Variants in PCYT1A observed in about 807,000 individuals in gnomAD.
PCYT1A encodes phosphate cytidylyltransferase 1A, choline, also known as choline-phosphate cytidylyltransferase A.
Under a neutral mutation model 43.7 loss-of-function variants are expected in PCYT1A, and 25 were observed. The ratio of observed to expected loss-of-function variants is 0.57; its 90% CI spans 0.42 to 0.80. The LOEUF is 0.80. Ranked by LOEUF, PCYT1A falls within the 30% of genes least tolerant of loss-of-function variation. The pLI is 0.00. For missense variants in PCYT1A, 421 were observed against 474.2 expected, an observed-to-expected ratio of 0.89 and a Z score of 1.04; for synonymous variants, 172 against 170.7, an observed-to-expected ratio of 1.01 and a Z score of -0.06.
At chr3:196,286,112 G>C (rs1577380930) in intron 1 of PCYT1A, among the ~76,000 whole-genome samples, 3 of 147,468 alleles carry the variant, frequency 2.0e-5, no homozygotes, top group Non-Finnish European at 4.4e-5. Context: ...ACCCGGGCTG[G>C]AGTGCAGTCT....
chr3:196,284,857 T>C (rs1725862108), intron 1 of PCYT1A, among the ~76,000 whole-genome samples: 1 of 152,230 alleles, frequency 6.6e-6, no homozygotes, highest in Non-Finnish European at 1.5e-5. Flanking sequence ...TCTGTTACCT[T>C]GAAGCATAGA....
chr3:196,248,715 C>T (rs1199640576), intron 3 of PCYT1A, among the ~76,000 whole-genome samples: 1 of 151,896 alleles, frequency 6.6e-6, no homozygotes, highest in Non-Finnish European at 1.5e-5. Flanking sequence ...GCAAATGGAA[C>T]TGGCTCTGTG....
intron 7 of PCYT1A, chr3:196,241,456 G>A: frequency 1.6e-6 from 2 of 1,242,546 alleles, no homozygotes; most frequent in South Asian, 1.3e-5. Context: ...CCAAAGTACA[G>A]GCATGAACTA....
intron 2 of PCYT1A, among the ~76,000 whole-genome samples, chr3:196,264,932 T>C (rs1725223242): frequency 6.6e-6 from 1 of 152,236 alleles, no homozygotes; most frequent in African/African-American, 2.4e-5. Context: ...GAAATGAGAT[T>C]GTGAGGCCTA....
rs113160544 is a variant in PCYT1A at position 196,270,193 on chromosome 3, G to T, written c.117+222C>A. Among the ~76,000 whole-genome samples the T allele has an allele frequency of 3.1e-4, 47 of 152,284 alleles. 2 individuals are homozygous for T. The highest frequency in any genetic ancestry group is 1.1e-3 in the African/African-American group (47 of 41,550). ...TCAATAGTTTCAGCCTAATACACAT[G>T]CAACTTCCATATTTTCCTAACACTT... On this transcript the variant is annotated intron_variant, in intron 2 of 8. Coordinates refer to ENST00000431016, the MANE Select transcript of PCYT1A (RefSeq NM_001312673.2).
At chr3:196,240,838 T>C (rs1327346917) in intron 7 of PCYT1A, 1 of 152,212 alleles carries the variant, frequency 6.6e-6, no homozygotes, top group African/African-American at 2.4e-5. Flanking sequence ...TCTGCCTAGA[T>C]AAATCATATT....
intron 7 of PCYT1A, chr3:196,240,624 A>C (rs12053980): frequency 0.12 from 17,616 of 152,228 alleles, 1,138 homozygotes; most frequent in South Asian, 0.19. Context: ...CCCGGAGGTC[A>C]AGGCTGCAGT....
In PCYT1A at chr3:196,247,499, T is replaced by G. The variant is rs1392051830; in HGVS notation, c.354A>C (p.Thr118=). 1 of 1,614,194 alleles carries G rather than the reference T, an allele frequency of 6.2e-7. No individual in the cohort carries two copies. The highest frequency in any genetic ancestry group is 1.7e-5 in the Admixed American group (1 of 60,034). ...TCACCGTGAAGCCTTTGAAGTTGTGTGTGAGCTCATCACTGCAAACTGGTT... is the reference window on the plus strand; with the variant it reads ...TCACCGTGAAGCCTTTGAAGTTGTGGGTGAGCTCATCACTGCAAACTGGTT... ...LIVGVCSDEL[T]HNFKGFTVMN... Residue 118 remains threonine, a synonymous_variant, in exon 5 of 9, where the codon ACA becomes ACC. Coordinates refer to ENST00000431016, the MANE Select transcript of PCYT1A (RefSeq NM_001312673.2). This position sits in a 1 kb window ranked among gnomAD's most constrained non-coding sequence, Gnocchi z 4.8.
intron 2 of PCYT1A, among the ~76,000 whole-genome samples, chr3:196,264,359 G>T (rs745482747): frequency 6.6e-6 from 1 of 152,138 alleles, no homozygotes; most frequent in Non-Finnish European, 1.5e-5. Context: ...GAAGGGCTGC[G>T]ATTACAGGCG....
chr3:196,238,810 G>T lies in PCYT1A; in HGVS notation c.982C>A (p.Arg328Ser). 6.3e-7 allele frequency: 1 copy of T among 1,576,442 alleles called. No individual in the cohort carries two copies. The highest frequency in any genetic ancestry group is 8.6e-7 in the Non-Finnish European group (1 of 1,162,362). The change falls in exon 9 of 9, where the codon CGC becomes AGC. Residue 328 changes from arginine to serine, a missense_variant. This residue lies in a region of PCYT1A where 108 missense variants were observed against 85.7 expected (regional missense o/e 1.26). Coordinates refer to ENST00000431016, the MANE Select transcript of PCYT1A (RefSeq NM_001312673.2). ...QSPSSSPTRE[R>S]SPSPSFRWPF... Reference sequence around the variant, plus strand: ...CATCGGAAAGAGGGGGAGGGGGAGCGCTCGCGAGTAGGGCTGCTGCTGGGG... The same window carrying T: ...CATCGGAAAGAGGGGGAGGGGGAGCTCTCGCGAGTAGGGCTGCTGCTGGGG...
intron 7 of PCYT1A, 89 bp downstream of exon 7, chr3:196,241,854 AAAGCC>A: frequency 6.9e-7 from 1 of 1,458,528 alleles, no homozygotes; most frequent in African/African-American, 1.4e-5. Context: ...AGTGATCATC[AAAGCC>A]AACTGCAAAG....
At chr3:196,250,774 G>A (rs1158303945) in intron 3 of PCYT1A, 2 of 162,116 alleles carry the variant, frequency 1.2e-5, no homozygotes, top group East Asian at 3.9e-4. Flanking sequence ...TGCCGAGGTT[G>A]AGGACCAGAT....
Position 196,272,406 on chromosome 3 carries a change from G to A in PCYT1A, c.-10-1865C>T, listed in dbSNP as rs1198155553. ...TCCCTATGTTGGCCAGGCTGGTCTC[G>A]AACACCTGACCTCGTGATCCACCTG... On this transcript the variant is annotated intron_variant, in intron 1 of 8. Transcript: ENST00000431016. Among the ~76,000 whole-genome samples, 17 of 152,238 alleles carry A rather than the reference G, an allele frequency of 1.1e-4. 1 individual carries two copies. The highest frequency in any genetic ancestry group is 4.1e-4 in the South Asian group (2 of 4,828).
intron 2 of PCYT1A, among the ~76,000 whole-genome samples, chr3:196,266,005 C>T (rs533415994): frequency 6.7e-6 from 1 of 149,474 alleles, no homozygotes; most frequent in South Asian, 2.2e-4. Context: ...TCCCGAAGTG[C>T]TGGGATGACA....
chr3:196,275,917 G>C (rs1033932414), intron 1 of PCYT1A, among the ~76,000 whole-genome samples: 3 of 151,808 alleles, frequency 2.0e-5, no homozygotes, highest in Non-Finnish European at 2.9e-5. Flanking sequence ...CTAACACAGT[G>C]AAACCCTGTC....
At chr3:196,245,995 A>G (rs1252536469) in intron 5 of PCYT1A, among the ~76,000 whole-genome samples, 1 of 151,578 alleles carries the variant, frequency 6.6e-6, no homozygotes, top group Non-Finnish European at 1.5e-5. Context: ...CTCAAGGTTG[A>G]GTATATATTG....
At position 196,234,594 on chromosome 3, in the gene PCYT1A, G is replaced by A. The variant is rs1352599818; in HGVS notation, c.*4094C>T. ...AATACAAAACAACCCAACTAATCCA[G>A]GATATGTGTTCAAAACAGTCAGTTT... On this transcript the variant is annotated 3_prime_UTR_variant, in exon 9 of 9. Coordinates refer to ENST00000431016, the MANE Select transcript of PCYT1A (RefSeq NM_001312673.2). 1 of 152,190 alleles carries A rather than the reference G, an allele frequency of 6.6e-6. No individual in the cohort carries two copies. Among genetic ancestry groups the A allele is most frequent in the Non-Finnish European group, 1.5e-5 (1 of 68,044 alleles). 9.4% of individuals were successfully genotyped at this position (152,190 alleles called of 1,614,324 possible). A position where few individuals can be genotyped will look rare whatever the true frequency, so the allele number is the denominator to read the frequency against.
rs1040407464 is a variant in PCYT1A, at chr3:196,252,517, G to A, written c.218-4194C>T. 1.8e-4 allele frequency among the ~76,000 whole-genome samples: 27 copies of A among 152,268 alleles called. No homozygotes were observed. The highest frequency in any genetic ancestry group is 1.2e-3 in the South Asian group (6 of 4,828). On this transcript the variant is annotated intron_variant, in intron 3 of 8. Coordinates refer to ENST00000431016, the MANE Select transcript of PCYT1A (RefSeq NM_001312673.2). The surrounding 1 kb of genome is among the most constrained non-coding windows in gnomAD (Gnocchi z 4.0). ...TGGCCTCCCGAAGTTCTGGGATTAC[G>A]GGCGTGAGCCACCATGCCCAGCCCA...
At chr3:196,248,855 C>T (rs2108766910) in intron 3 of PCYT1A, among the ~76,000 whole-genome samples, 1 of 152,094 alleles carries the variant, frequency 6.6e-6, no homozygotes, top group South Asian at 2.1e-4. Context: ...CTCCCGGATT[C>T]AAGCGACTCT....
Sources: gnomAD v4.1 joint callset for allele counts (sites outside exome capture counted in the v4.1 genomes callset) on GRCh38, gnomAD v4.1.1 for gene constraint, gnomAD v4.1.1 regional missense constraint, Gnocchi (gnomAD v3.1) non-coding constraint, MANE v1.5 for transcripts, NCBI Gene and HGNC (gene_info 2026-07-23, HGNC 2026-07-21) for gene names.